Variants in RAD51B observed in about 807,000 individuals in gnomAD.
The protein encoded by RAD51B is RAD51 paralog B.
In RAD51B, 38 loss-of-function variants were observed where a neutral mutation model predicts 42.2. That is an observed-to-expected ratio of 0.90 (90% confidence interval 0.70 to 1.18). RAD51B has a LOEUF of 1.18. Ranked by LOEUF, RAD51B falls within the 50% of genes most tolerant of loss-of-function variation. The probability of loss-of-function intolerance (pLI) is 0.00; values close to 1 mark genes in which losing one functional copy is unlikely to be tolerated. For synonymous variants in RAD51B, 154 were observed against 145.2 expected (o/e 1.06, Z -0.43); for missense variants, 373 against 400.7 (o/e 0.93, Z 0.59).
At chr14:68,497,379 A>G (rs1198314285) in intron 10 of RAD51B, 1 of 1,199,352 alleles carries the variant, frequency 8.3e-7, no homozygotes, top group Non-Finnish European at 1.0e-6. Flanking sequence ...ATACCATGGC[A>G]CTGACAATGG....
At chr14:68,406,053 A>G (rs1159697561) in intron 8 of RAD51B, among the ~76,000 whole-genome samples, 1 of 152,222 alleles carries the variant, frequency 6.6e-6, no homozygotes, top group Admixed American at 6.5e-5. Flanking sequence ...CAAAACAAGG[A>G]TACAATATGA....
chr14:68,676,779 CCATT>C (rs1418177092), intron 11 of RAD51B, among the ~76,000 whole-genome samples: 1 of 152,252 alleles, frequency 6.6e-6, no homozygotes, highest in Non-Finnish European at 1.5e-5. Flanking sequence ...TTGCAGGCGT[CCATT>C]CATGAGCTTA....
At chr14:68,027,112 G>A (rs931243316) in intron 7 of RAD51B, among the ~76,000 whole-genome samples, 1 of 152,078 alleles carries the variant, frequency 6.6e-6, no homozygotes, top group African/African-American at 2.4e-5. Flanking sequence ...TTAGTTTGGT[G>A]GGATATGAAA....
chr14:68,568,819 C>T (rs1297344593), intron 10 of RAD51B, among the ~76,000 whole-genome samples: 1 of 152,142 alleles, frequency 6.6e-6, no homozygotes, highest in Non-Finnish European at 1.5e-5. Context: ...CCTCTCTTTG[C>T]CTTCTTTCTC....
chr14:67,993,176 G>T (rs1244994854), intron 7 of RAD51B, among the ~76,000 whole-genome samples: 2 of 151,984 alleles, frequency 1.3e-5, no homozygotes, highest in African/African-American at 4.8e-5. Context: ...TCACATCAGG[G>T]TAATCATGCT....
chr14:68,591,497 C>T (rs1048364640), intron 10 of RAD51B, among the ~76,000 whole-genome samples: 1 of 152,192 alleles, frequency 6.6e-6, no homozygotes, highest in Non-Finnish European at 1.5e-5. Context: ...CAAGAAACAA[C>T]CATATGATGC....
chr14:68,232,512 C>T (rs757407063), intron 7 of RAD51B, among the ~76,000 whole-genome samples: 3 of 152,164 alleles, frequency 2.0e-5, no homozygotes, highest in Admixed American at 6.5e-5. Context: ...TTAAGCCTCG[C>T]TGTACATAAA....
intron 7 of RAD51B, among the ~76,000 whole-genome samples, chr14:67,930,946 A>T (rs2044708902): frequency 7.3e-6 from 1 of 136,222 alleles, no homozygotes; most frequent in Non-Finnish European, 1.5e-5. Flanking sequence ...TTTGAGACGG[A>T]GTCTCGCTCT....
intron 7 of RAD51B, among the ~76,000 whole-genome samples, chr14:67,988,477 G>T (rs182341162): frequency 6.1e-4 from 92 of 151,888 alleles, no homozygotes; most frequent in South Asian, 2.3e-3. Context: ...AAGAAATAAA[G>T]AAATAAATAA....
At chr14:68,093,191 G>C (rs1284355193) in intron 7 of RAD51B, among the ~76,000 whole-genome samples, 1 of 151,626 alleles carries the variant, frequency 6.6e-6, no homozygotes, top group East Asian at 1.9e-4. Context: ...CTAGGCTTTG[G>C]TATCAGGATG....
At chr14:67,879,758 T>C (rs928324859) in intron 5 of RAD51B, among the ~76,000 whole-genome samples, 5 of 152,216 alleles carry the variant, frequency 3.3e-5, no homozygotes, top group Admixed American at 6.5e-5. Context: ...ATTCAGTCTG[T>C]TGCACTCTGT....
chr14:68,402,375 A>G (rs1476748809), intron 8 of RAD51B, among the ~76,000 whole-genome samples: 3 of 152,212 alleles, frequency 2.0e-5, no homozygotes, highest in South Asian at 2.1e-4. Flanking sequence ...GGATGGTCCA[A>G]TAAAGAACCA....
chr14:68,279,235 A>C (rs1455745216), intron 7 of RAD51B, among the ~76,000 whole-genome samples: 7 of 152,232 alleles, frequency 4.6e-5, no homozygotes, highest in Non-Finnish European at 8.8e-5. Context: ...CGTGTTGTCA[A>C]TAACCAGACA....
intron 8 of RAD51B, among the ~76,000 whole-genome samples, chr14:68,335,581 C>T (rs891485530): frequency 7.9e-5 from 12 of 152,116 alleles, no homozygotes; most frequent in African/African-American, 2.9e-4. Flanking sequence ...TAAGGTCTGA[C>T]AATGTGGGGA....
chr14:67,888,863 C>A (rs2043138113), intron 7 of RAD51B, among the ~76,000 whole-genome samples: 1 of 152,074 alleles, frequency 6.6e-6, no homozygotes, highest in Non-Finnish European at 1.5e-5. Flanking sequence ...GAACCAATCC[C>A]CCATGGATAC....
chr14:68,096,190 A>T (rs1011220602), intron 7 of RAD51B, among the ~76,000 whole-genome samples: 4 of 152,148 alleles, frequency 2.6e-5, no homozygotes, highest in African/African-American at 9.7e-5. Context: ...TCAATCTTTG[A>T]AGAGGATTTT....
intron 10 of RAD51B, among the ~76,000 whole-genome samples, chr14:68,588,365 G>A (rs1890587091): frequency 6.6e-6 from 1 of 152,204 alleles, no homozygotes; most frequent in Non-Finnish European, 1.5e-5. Context: ...CAACTACCTA[G>A]GAGATGCAGC....
At chr14:68,622,593 G>A (rs1213984873) in intron 10 of RAD51B, among the ~76,000 whole-genome samples, 1 of 152,004 alleles carries the variant, frequency 6.6e-6, no homozygotes, top group Non-Finnish European at 1.5e-5. Context: ...CACAGGGCTG[G>A]CACATGGTAG....
chr14:68,258,595 G>T (rs2080808602), intron 7 of RAD51B, among the ~76,000 whole-genome samples: 1 of 151,964 alleles, frequency 6.6e-6, no homozygotes, highest in Non-Finnish European at 1.5e-5. Flanking sequence ...AAAGATGCTG[G>T]GTTCATGACT....
Sources: allele counts gnomAD v4.1 joint callset (sites outside exome capture counted in the v4.1 genomes callset), GRCh38; gene constraint gnomAD v4.1.1; transcripts MANE v1.5; gene names NCBI Gene and HGNC (gene_info 2026-07-23, HGNC 2026-07-21).